The following SETD1A variants were observed in gnomAD, a reference collection of about 807,000 sequenced individuals.
SETD1A encodes SET domain containing 1A, histone lysine methyltransferase.
In SETD1A, 29 loss-of-function variants were observed where a neutral mutation model predicts 149.9. The observed-to-expected ratio is 0.19, with a 90% CI of 0.14 to 0.26. SETD1A has a LOEUF of 0.26. SETD1A is among the 10% of genes least tolerant of loss of function. The pLI is 1.00. For synonymous variants in SETD1A, 1,141 were observed against 968.5 expected (o/e 1.18, Z -3.31); for missense variants, 2,109 against 2,353.1 (o/e 0.90, Z 2.15).
rs201783392 is a variant in SETD1A, at chr16:30,964,592, C to G, written c.870-20C>G. On this transcript the variant is annotated intron_variant, in intron 6 of 18. Transcript: ENST00000262519. Reference sequence around the variant, plus strand: ...GTCATAGAGAGCTGAGTCCAGCTAACTCCCCTGCTTCTTCTCCAGCACCAC... The same window carrying G: ...GTCATAGAGAGCTGAGTCCAGCTAAGTCCCCTGCTTCTTCTCCAGCACCAC... The G allele has an allele frequency of 1.2e-5, 19 of 1,604,220 alleles. No homozygotes were observed. Among genetic ancestry groups the G allele is most frequent in the Non-Finnish European group, 1.6e-5 (19 of 1,174,834 alleles).
intron 10 of SETD1A, among the ~76,000 whole-genome samples, 161 bp from the exon 11 acceptor site, chr16:30,969,144 G>A (rs2056192077): frequency 6.6e-6 from 1 of 152,002 alleles, no homozygotes; most frequent in African/African-American, 2.4e-5. Context: ...GAAACATGAG[G>A]TAACTGAGGT....
chr16:30,971,676 C>A lies in SETD1A; in HGVS notation c.3315C>A (p.Val1105=). 6.2e-7 allele frequency: 1 copy of A among 1,601,302 alleles called. No individual in the cohort carries two copies. The highest frequency in any genetic ancestry group is 1.1e-5 in the South Asian group (1 of 90,178). The change falls in exon 13 of 19, where the codon GTC becomes GTA. Residue 1105 remains valine, a synonymous_variant. Transcript: ENST00000262519. ...PVPERVAGSP[V]TPLPEQEASP... is the part of the protein sequence containing the mutation. ...CGGAAAGGGTTGCAGGCTCCCCAGT[C>A]ACACCCCTGCCCGAACAGGAGGCGT...
intron 9 of SETD1A, 100 bp downstream of exon 9, chr16:30,967,160 T>C (rs1457611081): frequency 1.1e-6 from 1 of 929,634 alleles, no homozygotes; most frequent in Non-Finnish European, 1.6e-6. Flanking sequence ...GTTTGAGTTT[T>C]TTCTTTTTTT....
chr16:30,959,069 C>A (rs750832926), intron 2 of SETD1A, 22 bp from the exon 3 acceptor site: 2 of 1,573,236 alleles, frequency 1.3e-6, no homozygotes, highest in Non-Finnish European at 8.8e-7. Context: ...AGCTCTCTTT[C>A]TGCTGCTGCT....
At chr16:30,966,645 T>C (rs1007104646) in intron 8 of SETD1A, among the ~76,000 whole-genome samples, 12 of 152,232 alleles carry the variant, frequency 7.9e-5, no homozygotes, top group African/African-American at 2.7e-4. Context: ...TTAGCTCTCT[T>C]CAAGCTTTGG....
chr16:30,961,790 A>G lies in SETD1A; in HGVS notation c.517+253A>G, dbSNP rs914866974. ...ATCTGTAAAAAAAAAAAAAAATCAT[A>G]TGAAGGGTTGTACTAGGTAAGATGA... On this transcript the variant is annotated intron_variant, in intron 4 of 18. Transcript: ENST00000262519. This position sits in a 1 kb window ranked among gnomAD's most constrained non-coding sequence, Gnocchi z 4.0. Among the ~76,000 whole-genome samples, 19 of 152,160 alleles carry G rather than the reference A, an allele frequency of 1.2e-4. No homozygotes were observed. The highest frequency in any genetic ancestry group is 1.8e-4 in the Non-Finnish European group (12 of 67,986).
chr16:30,970,485 C>G (rs2056211448), intron 12 of SETD1A, among the ~76,000 whole-genome samples: 1 of 152,032 alleles, frequency 6.6e-6, no homozygotes, highest in African/African-American at 2.4e-5. Context: ...CCAGGCTGGT[C>G]CCAAACTCAT....
chr16:30,966,041 C>T lies in SETD1A; in HGVS notation c.2160C>T (p.Pro720=). 2.6e-6 allele frequency: 4 copies of T among 1,567,254 alleles called. No individual in the cohort carries two copies. Among genetic ancestry groups the T allele is most frequent in the Non-Finnish European group, 3.5e-6 (4 of 1,156,510 alleles). ...GGGAGGCCTTCCTCCCGTTTCCACC[C>T]CCGCAGGAGGCAGCCTACGGCTTGC... ...AFGEAFLPFP[P]PQEAAYGLPY... The change falls in exon 8 of 19, where the codon CCC becomes CCT. Residue 720 remains proline (P), a synonymous_variant. Transcript: ENST00000262519.
chr16:30,968,573 C>T (rs1238701238), intron 10 of SETD1A, among the ~76,000 whole-genome samples: 6 of 152,026 alleles, frequency 3.9e-5, no homozygotes, highest in African/African-American at 4.8e-5. Flanking sequence ...GAGGCCGAGG[C>T]GGGTGGATCA....
intron 12 of SETD1A, 34 bp downstream of exon 12, chr16:30,969,723 CGGA>C (rs772278085): frequency 6.4e-7 from 1 of 1,565,604 alleles, no homozygotes; most frequent in Non-Finnish European, 8.8e-7. Flanking sequence ...ACTTTGGGCT[CGGA>C]GGAGGGGTTC....
Position 30,981,176 on chromosome 16 carries a change from G to A in SETD1A, c.4808G>A (p.Arg1603His). 6.2e-7 allele frequency: 1 copy of A among 1,614,096 alleles called. No individual in the cohort carries two copies. The highest frequency in any genetic ancestry group is 8.5e-7 in the Non-Finnish European group (1 of 1,179,980). The change falls in exon 17 of 19, where the codon CGT (arginine) becomes CAT (histidine). Residue 1603 changes from arginine to histidine, a missense_variant. This residue lies in a region of SETD1A where 254 missense variants were observed against 409.3 expected (regional missense o/e 0.62). Transcript: ENST00000262519. ...MVIEYVGQNI[R>H]QMVADMREKR... ...ATCGAATACGTGGGTCAGAACATCC[G>A]TCAGGTGAGGCTGCACTCCCAGCCC...
chr16:30,961,308 G>A lies in SETD1A; in HGVS notation c.288G>A (p.Val96=). ...FYIGQIPLKE[V]TFARLNDNVR... ...TTGGACAGATTCCACTGAAGGAAGT[G>A]ACTTTTGCAAGGCTGAATGACAACG... The change falls in exon 4 of 19, where the codon GTG becomes GTA. Residue 96 remains valine, a synonymous_variant. Transcript: ENST00000262519. This position sits in a 1 kb window ranked among gnomAD's most constrained non-coding sequence, Gnocchi z 4.0. The A allele has an allele frequency of 6.2e-7, 1 of 1,614,182 alleles. No homozygotes were observed. Among genetic ancestry groups the A allele is most frequent in the Non-Finnish European group, 8.5e-7 (1 of 1,180,018 alleles).
chr16:30,978,738 G>A (rs1027346389), intron 13 of SETD1A, among the ~76,000 whole-genome samples: 3 of 152,242 alleles, frequency 2.0e-5, no homozygotes, highest in Non-Finnish European at 2.9e-5. Flanking sequence ...TGGCTGACTG[G>A]GTCCTTGGCA....
At chr16:30,975,437 T>TC (rs2056273838) in intron 13 of SETD1A, among the ~76,000 whole-genome samples, 1 of 150,066 alleles carries the variant, frequency 6.7e-6, no homozygotes, top group South Asian at 2.1e-4. Flanking sequence ...CCTTTTTTTT[T>TC]TTTTTTTTTT....
intron 8 of SETD1A, 23 bp downstream of exon 8, chr16:30,966,409 G>T: frequency 1.3e-6 from 2 of 1,580,374 alleles, no homozygotes; most frequent in East Asian, 4.5e-5. Flanking sequence ...CCTGGGACCG[G>T]GGAGCCCTGG....
chr16:30,959,186 G>C lies in SETD1A; in HGVS notation c.246G>C (p.Lys82Asn). Residue 82 changes from lysine (K) to asparagine (N), a missense_variant and splice_region_variant, in exon 3 of 19, where the codon AAG (lysine) becomes AAC (asparagine). Lys to Asn is a moderately conservative substitution (Grantham distance 94). Transcript: ENST00000262519. ...TTTCCCTCCCAGTCCCTAAGTTTAA[G>C]GTAAGTGTCTGCTGGGCTCCTGGTG... ...RDFSLPVPKF[K>N]LDEFYIGQIP... 6.3e-7 allele frequency: 1 copy of C among 1,596,992 alleles called. No individual in the cohort carries two copies. The highest frequency in any genetic ancestry group is 8.6e-7 in the Non-Finnish European group (1 of 1,164,372).
rs1193851711 is a variant in SETD1A at position 30,965,736 on chromosome 16, G to A, written c.1855G>A (p.Ala619Thr). ...CCCGCCGCCTCCTCCTCCCTACCTGGCGTCCCTTCCTCTTGGTTATCCTCC... is the reference window on the plus strand; with the variant it reads ...CCCGCCGCCTCCTCCTCCCTACCTGACGTCCCTTCCTCTTGGTTATCCTCC... ...PPPPPPPPYL[A>T]SLPLGYPPHQ... Residue 619 changes from alanine to threonine, a missense_variant, in exon 8 of 19, where the codon GCG becomes ACG. Physicochemically the swap from Ala to Thr is moderately conservative, Grantham distance 58 (BLOSUM62 0). Around this residue, in one of 8 missense-constraint regions of SETD1A, gnomAD observed 431 missense variants for 388.6 expected, o/e 1.11. Transcript: ENST00000262519. The A allele has an allele frequency of 1.9e-6, 3 of 1,572,262 alleles. No individual in the cohort carries two copies. Among genetic ancestry groups the A allele is most frequent in the South Asian group, 2.3e-5 (2 of 86,570 alleles).
At chr16:30,970,900 G>C (rs566346869) in intron 12 of SETD1A, among the ~76,000 whole-genome samples, 1 of 152,136 alleles carries the variant, frequency 6.6e-6, no homozygotes, top group Non-Finnish European at 1.5e-5. Context: ...AGTCCTTCCC[G>C]TACATGAGCA....
intron 13 of SETD1A, among the ~76,000 whole-genome samples, chr16:30,974,794 G>C: frequency 6.6e-6 from 1 of 151,946 alleles, no homozygotes; most frequent in East Asian, 1.9e-4. Flanking sequence ...ATCACTTGAC[G>C]TCAGGAGTTC....
Sources: allele counts gnomAD v4.1 joint callset (sites outside exome capture counted in the v4.1 genomes callset), GRCh38; gene constraint gnomAD v4.1.1; regional missense constraint gnomAD v4.1.1; non-coding constraint Gnocchi (gnomAD v3.1); transcripts MANE v1.5; gene names NCBI Gene and HGNC (gene_info 2026-07-23, HGNC 2026-07-21).